Variants in ZBTB44 observed in about 807,000 individuals in gnomAD.
ZBTB44 encodes the protein zinc finger and BTB domain containing 44.
Under a neutral mutation model 54.0 loss-of-function variants are expected in ZBTB44, and 15 were observed. The observed-to-expected ratio is 0.28, with a 90% CI of 0.19 to 0.43. The LOEUF (loss-of-function observed/expected upper bound fraction) is 0.43, where lower values mean the gene tolerates loss of function less well. Among genes scored for constraint, ZBTB44 ranks in the 20% least tolerant of loss-of-function variants. ZBTB44 has a pLI of 1.00. For synonymous variants in ZBTB44, 230 were observed against 250.1 expected (o/e 0.92, Z 0.76); for missense variants, 487 against 707.1 (o/e 0.69, Z 3.53).
intron 1 of ZBTB44, among the ~76,000 whole-genome samples, chr11:130,298,682 C>T (rs1381163818): frequency 6.6e-6 from 1 of 150,686 alleles, no homozygotes; most frequent in Non-Finnish European, 1.5e-5. Flanking sequence ...AAGCTGGTCT[C>T]GAACTCCTAA....
Position 130,229,023 on chromosome 11 carries a change from A to T in ZBTB44, c.*2741T>A, listed in dbSNP as rs1305916758. ...AAGTTCTCTGTAAACTATTATGCAC[A>T]CAGAAACCTTGGTATTAGCTGAAGC... On this transcript the variant is annotated 3_prime_UTR_variant, in exon 8 of 8. Transcript: ENST00000357899. 1 of 152,230 alleles carries T rather than the reference A, an allele frequency of 6.6e-6. No individual in the cohort carries two copies. Among genetic ancestry groups the T allele is most frequent in the Non-Finnish European group, 1.5e-5 (1 of 68,044 alleles). The allele number at this position is 152,230 out of a possible 1,614,324, so 9.4% of individuals were successfully genotyped here.
At chr11:130,313,966 A>ATATTTTTT (rs1160244728) in intron 1 of ZBTB44, among the ~76,000 whole-genome samples, 89 of 116,230 alleles carry the variant, frequency 7.7e-4, no homozygotes, top group Admixed American at 1.1e-3. Context: ...ATATATATAT[A>ATATTTTTT]TTTTTTTAAA....
rs767793480 is a variant in ZBTB44 at position 130,261,041 on chromosome 11, G to A, written c.833C>T (p.Thr278Ile). 10 of 1,613,972 alleles carry A rather than the reference G, an allele frequency of 6.2e-6. No individual in the cohort carries two copies. The highest frequency in any genetic ancestry group is 1.1e-5 in the South Asian group (1 of 91,088). ...DYVTCESTKT[T>I]LPLGTEEDVR... The stretch of plus-strand genomic sequence containing the variant: ...ATCTTCTTCGGTACCTAAAGGCAAG[G>A]TAGTTTTTGTGCTCTCACAAGTCAC... The change falls in exon 2 of 8, where the codon ACC becomes ATC. Residue 278 changes from threonine to isoleucine, a missense_variant. Thr to Ile is a moderately conservative substitution (Grantham distance 89). Transcript: ENST00000357899. The surrounding 1 kb of genome is among the most constrained non-coding windows in gnomAD (Gnocchi z 4.8).
chr11:130,244,995 T>A (rs76691325), intron 2 of ZBTB44, among the ~76,000 whole-genome samples: 9,517 of 152,224 alleles, frequency 0.063, 739 homozygotes, highest in African/African-American at 0.18. Context: ...AAGGACACCA[T>A]ATAGAACTTA....
chr11:130,237,189 T>A, intron 4 of ZBTB44, 96 bp from the exon 5 acceptor site: 1 of 1,239,812 alleles, frequency 8.1e-7, no homozygotes, highest in Non-Finnish European at 1.0e-6. Flanking sequence ...TAGCAACAGA[T>A]CATCTGAAAA....
intron 1 of ZBTB44, among the ~76,000 whole-genome samples, chr11:130,309,216 C>G (rs376101124): frequency 7.9e-5 from 12 of 152,218 alleles, no homozygotes; most frequent in African/African-American, 2.9e-4. Context: ...TGCAACCAAC[C>G]TACTTTCATA....
intron 2 of ZBTB44, among the ~76,000 whole-genome samples, chr11:130,249,949 C>A (rs1239672219): frequency 1.3e-5 from 2 of 152,158 alleles, no homozygotes; most frequent in African/African-American, 4.8e-5. Flanking sequence ...GGGCTGAAGC[C>A]AGGGAGCCAA....
At chr11:130,296,883 G>T in intron 1 of ZBTB44, 1 of 729,874 alleles carries the variant, frequency 1.4e-6, no homozygotes, top group South Asian at 1.5e-5. Context: ...TCTGCCATTT[G>T]ATTTCAAAGT....
rs776781461 is a variant in ZBTB44, at chr11:130,261,357, T to C, written c.517A>G (p.Thr173Ala). ...VSSECSVVER[T>A]IPVCRESRRK... ...CGGGATTCTCGGCAGACAGGAATGG[T>C]TCTTTCTACCACACTGCACTCTGAG... Residue 173 changes from threonine to alanine, a missense_variant, in exon 2 of 8, where the codon ACC (threonine) becomes GCC (alanine). Thr to Ala is a moderately conservative substitution (Grantham distance 58). Around this residue, in one of 3 missense-constraint regions of ZBTB44, gnomAD observed 277 missense variants for 306.5 expected, o/e 0.90. Transcript: ENST00000357899. The surrounding 1 kb of genome is among the most constrained non-coding windows in gnomAD (Gnocchi z 4.8). 6.2e-7 allele frequency: 1 copy of C among 1,613,864 alleles called. No individual in the cohort carries two copies. The highest frequency in any genetic ancestry group is 8.5e-7 in the Non-Finnish European group (1 of 1,179,896).
chr11:130,233,925 A>C, intron 6 of ZBTB44: 1 of 1,085,642 alleles, frequency 9.2e-7, no homozygotes, highest in Non-Finnish European at 1.1e-6. Flanking sequence ...AATTAAATTA[A>C]ATTTAAATGT....
At chr11:130,244,519 T>C (rs1392067164) in intron 2 of ZBTB44, among the ~76,000 whole-genome samples, 1 of 151,796 alleles carries the variant, frequency 6.6e-6, no homozygotes, top group African/African-American at 2.4e-5. Flanking sequence ...TACAAAAAAT[T>C]AGCCGGGCGT....
At chr11:130,276,525 C>T (rs1473430724) in intron 1 of ZBTB44, among the ~76,000 whole-genome samples, 1 of 151,512 alleles carries the variant, frequency 6.6e-6, no homozygotes, top group East Asian at 1.9e-4. Context: ...ACCTCCACCT[C>T]CTGGGTTCAA....
intron 1 of ZBTB44, among the ~76,000 whole-genome samples, chr11:130,287,449 T>C (rs1941035265): frequency 6.6e-6 from 1 of 152,188 alleles, no homozygotes; most frequent in Non-Finnish European, 1.5e-5. Context: ...GTGCTTAGTT[T>C]TGAGGTATAT....
chr11:130,261,440 T>C lies in ZBTB44; in HGVS notation c.434A>G (p.Gln145Arg), dbSNP rs1172563619. 6.2e-7 allele frequency: 1 copy of C among 1,614,036 alleles called. No homozygotes were observed. Among genetic ancestry groups the C allele is most frequent in the Non-Finnish European group, 8.5e-7 (1 of 1,179,894 alleles). ...AAAATTGCAGTTAGAATTATTTTCTTGTCCAGCATCTAGACCCTTTTCAGG... is the reference window on the plus strand; with the variant it reads ...AAAATTGCAGTTAGAATTATTTTCTCGTCCAGCATCTAGACCCTTTTCAGG... The part of the protein sequence containing the change: ...SQPEKGLDAG[Q>R]ENNSNCNFTS... The change falls in exon 2 of 8, where the codon CAA becomes CGA. Residue 145 changes from glutamine to arginine, a missense_variant. Coordinates refer to ENST00000357899, the MANE Select transcript of ZBTB44 (RefSeq NM_001301098.2). This position sits in a 1 kb window ranked among gnomAD's most constrained non-coding sequence, Gnocchi z 4.8.
intron 2 of ZBTB44, among the ~76,000 whole-genome samples, chr11:130,257,057 A>G (rs1938498262): frequency 6.6e-6 from 1 of 152,094 alleles, no homozygotes. Flanking sequence ...CAAGCTGATA[A>G]ACAACTTCAG....
At chr11:130,299,974 G>A (rs1941903181) in intron 1 of ZBTB44, among the ~76,000 whole-genome samples, 1 of 152,208 alleles carries the variant, frequency 6.6e-6, no homozygotes, top group Admixed American at 6.5e-5. Flanking sequence ...ATATTATTCA[G>A]CCTTAAAAAG....
At chr11:130,296,944 A>G in intron 1 of ZBTB44, 2 of 742,452 alleles carry the variant, frequency 2.7e-6, no homozygotes, top group Non-Finnish European at 5.0e-6. Flanking sequence ...AAGCAGAAAA[A>G]GCGAGGAGGT....
intron 1 of ZBTB44, among the ~76,000 whole-genome samples, chr11:130,268,236 A>AAAAAAAAAG (rs1164872557): frequency 7.6e-4 from 110 of 145,464 alleles, no homozygotes; most frequent in African/African-American, 2.6e-3. Context: ...AAAAAAAAAA[A>AAAAAAAAAG]GCGGGGGGTG....
chr11:130,293,463 T>G, intron 1 of ZBTB44, among the ~76,000 whole-genome samples: 1 of 131,550 alleles, frequency 7.6e-6, no homozygotes. Context: ...GACAGCAAGA[T>G]CTTGTATCAA....
Sources: gnomAD v4.1 joint callset for allele counts (sites outside exome capture counted in the v4.1 genomes callset) on GRCh38, gnomAD v4.1.1 for gene constraint, gnomAD v4.1.1 regional missense constraint, Gnocchi (gnomAD v3.1) non-coding constraint, MANE v1.5 for transcripts, NCBI Gene and HGNC (gene_info 2026-07-23, HGNC 2026-07-21) for gene names.